Variants in GIGYF2 observed in about 807,000 individuals in gnomAD.
GIGYF2 encodes the protein GRB10-interacting GYF protein 2.
GIGYF2 carries 25 observed loss-of-function variants against 208.1 expected under a neutral mutation model. The ratio of observed to expected loss-of-function variants is 0.12; its 90% CI spans 0.09 to 0.17. GIGYF2 has a LOEUF of 0.17. GIGYF2 is among the 10% of genes least tolerant of loss of function. The pLI, the probability that GIGYF2 is intolerant of heterozygous loss-of-function variation, is 1.00. For missense variants in GIGYF2, 1,302 were observed against 1,579.4 expected (o/e 0.82, Z 2.98); for synonymous variants, 534 against 543.8 (o/e 0.98, Z 0.25).
chr2:232,739,951 A>C (rs1697909166), intron 3 of GIGYF2, among the ~76,000 whole-genome samples: 1 of 150,940 alleles, frequency 6.6e-6, no homozygotes, highest in East Asian at 1.9e-4. Flanking sequence ...AAAAAAAAAA[A>C]AAAAAAAATT....
intron 19 of GIGYF2, 121 bp from the exon 20 acceptor site, chr2:232,816,750 C>A: frequency 1.3e-6 from 1 of 756,386 alleles, no homozygotes; most frequent in Non-Finnish European, 2.4e-6. Context: ...GTTGGATCAC[C>A]TGGTTGCAGT....
chr2:232,709,941 T>G (rs1696305300), intron 2 of GIGYF2, among the ~76,000 whole-genome samples: 1 of 151,702 alleles, frequency 6.6e-6, no homozygotes. Context: ...CTCCAGCTGA[T>G]TTTTACAAAG....
At chr2:232,729,589 C>T (rs1697358148) in intron 2 of GIGYF2, 7 of 1,366,860 alleles carry the variant, frequency 5.1e-6, no homozygotes, top group Non-Finnish European at 7.1e-6. Flanking sequence ...TGATCTGCTT[C>T]TCCAGCTTAT....
At position 232,787,244 on chromosome 2, in the gene GIGYF2, G is replaced by A. The variant is rs745471927; in HGVS notation, c.627G>A (p.Glu209=). The A allele has an allele frequency of 3.7e-6, 6 of 1,613,900 alleles. No homozygotes were observed. In the East Asian group the frequency reaches 8.9e-5, roughly 24 times the overall value. The change falls in exon 9 of 29, where the codon GAG becomes GAA. Residue 209 remains glutamate, a synonymous_variant. Transcript: ENST00000373563. The stretch of plus-strand genomic sequence containing the variant: ...GTGAAAATTGGCGCATCTTTAGAGA[G>A]GAACAAAATGGAGAAGATGAAGATG... ...SESENWRIFR[E]EQNGEDEDGG... is the part of the protein sequence containing the mutation.
chr2:232,845,622 A>G, intron 25 of GIGYF2, 110 bp from the exon 26 acceptor site: 1 of 962,178 alleles, frequency 1.0e-6, no homozygotes, highest in Non-Finnish European at 1.7e-6. Flanking sequence ...GCATTGGATT[A>G]TTTACTGGGC....
At chr2:232,759,420 T>C (rs529863674) in intron 6 of GIGYF2, among the ~76,000 whole-genome samples, 163 of 151,696 alleles carry the variant, frequency 1.1e-3, no homozygotes, top group Non-Finnish European at 1.8e-3. Flanking sequence ...TTGGGAAAAC[T>C]GTACATAAAG....
Position 232,833,040 on chromosome 2 carries a change from G to T in GIGYF2, c.2713G>T (p.Ala905Ser). 6.4e-7 allele frequency: 1 copy of T among 1,559,134 alleles called. No individual in the cohort carries two copies. The highest frequency in any genetic ancestry group is 2.4e-5 in the East Asian group (1 of 41,698). Reference protein sequence around the residue: ...LMRQRQQQQEALRRLQQQQQQ... With the variant: ...LMRQRQQQQESLRRLQQQQQQ... The stretch of plus-strand genomic sequence containing the variant: ...GCGCCAGAGGCAGCAGCAGCAAGAG[G>T]CTCTCCGGAGGTTGCAGCAGCAGCA... Residue 905 changes from alanine to serine, a missense_variant, in exon 22 of 29, where the codon GCT becomes TCT. Transcript: ENST00000373563.
intron 3 of GIGYF2, among the ~76,000 whole-genome samples, chr2:232,743,686 G>A (rs910849611): frequency 1.3e-5 from 2 of 152,134 alleles, no homozygotes; most frequent in Admixed American, 6.5e-5. Context: ...GTATCTGCAG[G>A]TGAAGAGGGA....
chr2:232,781,905 T>G (rs1442265974), intron 8 of GIGYF2, among the ~76,000 whole-genome samples: 1 of 152,238 alleles, frequency 6.6e-6, no homozygotes, highest in Non-Finnish European at 1.5e-5. Context: ...GGAAACCACC[T>G]TACTGGTATC....
chr2:232,830,651 TC>T (rs1356204282), intron 21 of GIGYF2, among the ~76,000 whole-genome samples: 8 of 152,166 alleles, frequency 5.3e-5, no homozygotes, highest in Non-Finnish European at 1.2e-4. Context: ...TTAAAGCTTT[TC>T]CCTAATGTCC....
rs1696866317 is a variant in GIGYF2 at position 232,720,039 on chromosome 2, C to T, written c.-43-15116C>T. On this transcript the variant is annotated intron_variant, in intron 2 of 28. Transcript: ENST00000373563. ...GTACATGTGCCATGTTGGTTTTCTG[C>T]ACCCATTAACTTGTCATTTACATTA... 2.6e-5 allele frequency among the ~76,000 whole-genome samples: 4 copies of T among 152,278 alleles called. 1 individual carries two copies. In the South Asian group the frequency reaches 8.3e-4, roughly 32 times the overall value.
chr2:232,738,946 TG>T (rs1408036484), intron 3 of GIGYF2, among the ~76,000 whole-genome samples: 1 of 152,244 alleles, frequency 6.6e-6, no homozygotes, highest in East Asian at 1.9e-4. Context: ...ATAATTTTTT[TG>T]GTGCTAAACT....
chr2:232,706,913 C>G (rs1696140351), intron 2 of GIGYF2, among the ~76,000 whole-genome samples: 1 of 147,110 alleles, frequency 6.8e-6, no homozygotes. Flanking sequence ...ACCACTGCAT[C>G]CCTACCTGGG....
chr2:232,834,856 TTA>T (rs1176174614), intron 22 of GIGYF2, among the ~76,000 whole-genome samples: 1 of 152,176 alleles, frequency 6.6e-6, no homozygotes, highest in East Asian at 1.9e-4. Context: ...TAAAAGTTTT[TTA>T]TATATATTTA....
rs746787111 is a variant in GIGYF2, at chr2:232,809,816, GA to G, written c.1898+7del. ...GTACCAGCAGTTTTTAATACAGTAA[GA>G]AGAGTAATGCAGTAGGATGTACTGC... is the stretch of plus-strand genomic sequence containing the variant. On this transcript the variant is annotated splice_donor_region_variant and intron_variant, in intron 16 of 28. Coordinates refer to ENST00000373563, the MANE Select transcript of GIGYF2 (RefSeq NM_001103146.3). 1 of 1,451,096 alleles carries G rather than the reference GA, an allele frequency of 6.9e-7. No individual in the cohort carries two copies. The highest frequency in any genetic ancestry group is 1.1e-5 in the South Asian group (1 of 87,828). The allele number at this position is 1,451,096 out of a possible 1,614,324, so 89.9% of individuals were successfully genotyped here.
At chr2:232,768,647 A>T (rs1406003973) in intron 8 of GIGYF2, 1 of 1,613,974 alleles carries the variant, frequency 6.2e-7, no homozygotes, top group African/African-American at 1.3e-5. Flanking sequence ...CTCTTTCCTG[A>T]TAGAGTACAG....
At chr2:232,707,941 T>C (rs1696203069) in intron 2 of GIGYF2, among the ~76,000 whole-genome samples, 1 of 150,780 alleles carries the variant, frequency 6.6e-6, no homozygotes, top group Admixed American at 6.6e-5. Flanking sequence ...CCCAGCCTTT[T>C]TGCATTTCTT....
chr2:232,846,558 A>G (rs896506314), intron 26 of GIGYF2, among the ~76,000 whole-genome samples: 2 of 152,242 alleles, frequency 1.3e-5, no homozygotes, highest in African/African-American at 4.8e-5. Context: ...AAATAGCAGT[A>G]AAGGAATTAA....
At chr2:232,768,655 C>T in intron 8 of GIGYF2, 1 of 1,613,830 alleles carries the variant, frequency 6.2e-7, no homozygotes. Context: ...TGATAGAGTA[C>T]AGCTGAGACC....
Sources: gnomAD v4.1 joint callset for allele counts (sites outside exome capture counted in the v4.1 genomes callset) on GRCh38, gnomAD v4.1.1 for gene constraint, MANE v1.5 for transcripts, NCBI Gene and HGNC (gene_info 2026-07-23, HGNC 2026-07-21) for gene names.